STXBP5L: variants seen among roughly 807,000 people sequenced by gnomAD.
STXBP5L encodes the protein syntaxin-binding protein 5-like.
In STXBP5L, 65 loss-of-function variants were observed where a neutral mutation model predicts 144.5. The ratio of observed to expected loss-of-function variants is 0.45; its 90% confidence interval spans 0.37 to 0.55. The LOEUF (loss-of-function observed/expected upper bound fraction) is 0.55. Ranked by LOEUF, STXBP5L falls within the 20% of genes least tolerant of loss-of-function variation. The pLI, the probability that STXBP5L is intolerant of heterozygous loss-of-function variation, is 0.00. For synonymous variants in STXBP5L, 505 were observed against 469.6 expected, an observed-to-expected ratio of 1.08 and a Z score of -0.97; for missense variants, 1,298 against 1,405.5, an observed-to-expected ratio of 0.92 and a Z score of 1.22.
chr3:121,413,406 T>C, intron 24 of STXBP5L, 83 bp downstream of exon 24: 1 of 1,270,942 alleles, frequency 7.9e-7, no homozygotes, highest in Non-Finnish European at 1.1e-6. Context: ...AAAATATTAT[T>C]AGGTCAGACA....
chr3:121,242,972 CA>C (rs1017832067), intron 14 of STXBP5L, among the ~76,000 whole-genome samples: 1 of 152,100 alleles, frequency 6.6e-6, no homozygotes, highest in Non-Finnish European at 1.5e-5. Context: ...CAAGAATGGT[CA>C]CATTGAAATG....
chr3:121,021,796 G>A (rs1157427943), intron 3 of STXBP5L, among the ~76,000 whole-genome samples: 2 of 152,110 alleles, frequency 1.3e-5, no homozygotes, highest in African/African-American at 4.8e-5. Flanking sequence ...AGCATTAAAT[G>A]CCTATATAAA....
chr3:121,240,563 G>T (rs1049293228), intron 14 of STXBP5L, 56 bp downstream of exon 14: 5 of 1,505,878 alleles, frequency 3.3e-6, no homozygotes, highest in Non-Finnish European at 3.7e-6. Flanking sequence ...TGTTTACTGA[G>T]TCTTGATACT....
intron 3 of STXBP5L, among the ~76,000 whole-genome samples, chr3:121,018,148 A>G (rs1945276336): frequency 6.6e-6 from 1 of 152,210 alleles, no homozygotes; most frequent in Non-Finnish European, 1.5e-5. Context: ...AATATTGTCA[A>G]GATTGAGTTC....
intron 19 of STXBP5L, among the ~76,000 whole-genome samples, chr3:121,284,284 T>A (rs967692447): frequency 6.6e-6 from 1 of 152,038 alleles, no homozygotes; most frequent in African/African-American, 2.4e-5. Flanking sequence ...AATTTTTGTA[T>A]CTTACTACCA....
At chr3:121,342,067 T>C (rs757948672) in intron 20 of STXBP5L, among the ~76,000 whole-genome samples, 1 of 152,080 alleles carries the variant, frequency 6.6e-6, no homozygotes, top group Non-Finnish European at 1.5e-5. Flanking sequence ...TTATTATACA[T>C]TGTATGCCTG....
At chr3:121,047,817 C>T (rs1947628117) in intron 5 of STXBP5L, among the ~76,000 whole-genome samples, 1 of 152,122 alleles carries the variant, frequency 6.6e-6, no homozygotes, top group Non-Finnish European at 1.5e-5. Flanking sequence ...CACTCTGTGC[C>T]TTTTAATTGG....
chr3:121,101,143 C>A (rs1197270037), intron 5 of STXBP5L, among the ~76,000 whole-genome samples: 1 of 152,190 alleles, frequency 6.6e-6, no homozygotes, highest in Non-Finnish European at 1.5e-5. Flanking sequence ...GATGGAGTCA[C>A]AGTCAAATTC....
intron 12 of STXBP5L, among the ~76,000 whole-genome samples, chr3:121,238,259 C>A (rs192006991): frequency 1.3e-5 from 2 of 152,058 alleles, no homozygotes; most frequent in African/African-American, 4.8e-5. Context: ...GCTGTTTTCA[C>A]TCATGGTGAA....
chr3:120,909,629 C>A lies in STXBP5L; in HGVS notation c.51C>A (p.Ser17=), dbSNP rs757864414. The change falls in exon 2 of 27, where the codon TCC becomes TCA. Residue 17 remains serine, a synonymous_variant. Coordinates refer to ENST00000471454, the MANE Select transcript of STXBP5L (RefSeq NM_001308330.2). ...RKVLDGLTAS[S]PGSGSSSGSN... The stretch of plus-strand genomic sequence containing the variant: ...TTTTGGATGGCTTAACTGCCTCCTC[C>A]CCTGGCAGTGGTAGCAGCAGTGGCA... The A allele has an allele frequency of 6.2e-7, 1 of 1,613,306 alleles. No individual in the cohort carries two copies.
intron 3 of STXBP5L, among the ~76,000 whole-genome samples, chr3:121,003,235 A>C (rs1943945405): frequency 6.6e-6 from 1 of 152,052 alleles, no homozygotes. Context: ...CTGACTTTTT[A>C]ATGATTGCCA....
chr3:121,054,820 T>A (rs1203663935), intron 5 of STXBP5L, among the ~76,000 whole-genome samples: 4 of 152,150 alleles, frequency 2.6e-5, no homozygotes, highest in Non-Finnish European at 5.9e-5. Context: ...GATCACCATA[T>A]TGATTTTATC....
intron 12 of STXBP5L, among the ~76,000 whole-genome samples, chr3:121,234,628 A>C (rs1279181368): frequency 6.6e-6 from 1 of 151,728 alleles, no homozygotes; most frequent in African/African-American, 2.4e-5. Flanking sequence ...AATCAGTCCA[A>C]ATTCTACTCT....
intron 20 of STXBP5L, among the ~76,000 whole-genome samples, chr3:121,352,702 G>A (rs1008111068): frequency 4.6e-5 from 7 of 152,080 alleles, no homozygotes; most frequent in Admixed American, 1.3e-4. Context: ...GCCCTGGCCA[G>A]AACTTCCAAC....
At chr3:121,159,362 C>T (rs2046233345) in intron 9 of STXBP5L, among the ~76,000 whole-genome samples, 1 of 151,850 alleles carries the variant, frequency 6.6e-6, no homozygotes, top group Non-Finnish European at 1.5e-5. Context: ...AAAGATGGGT[C>T]TTACTATGTT....
At chr3:120,994,069 G>C (rs980124788) in intron 3 of STXBP5L, among the ~76,000 whole-genome samples, 3 of 151,728 alleles carry the variant, frequency 2.0e-5, no homozygotes, top group African/African-American at 7.3e-5. Flanking sequence ...CGGGATTGCT[G>C]TCTCAATTTC....
chr3:121,193,684 G>C (rs1316333423), intron 9 of STXBP5L, among the ~76,000 whole-genome samples: 1 of 152,146 alleles, frequency 6.6e-6, no homozygotes, highest in African/African-American at 2.4e-5. Context: ...GGACATGGAT[G>C]AAGCTGGAAA....
intron 2 of STXBP5L, 70 bp downstream of exon 2, chr3:120,909,837 A>G (rs566598658): frequency 6.9e-7 from 1 of 1,440,800 alleles, no homozygotes; most frequent in African/African-American, 1.5e-5. Flanking sequence ...AGGGGGGAAA[A>G]ACATACCAGG....
chr3:120,937,184 A>G (rs925665415), intron 2 of STXBP5L, among the ~76,000 whole-genome samples: 3 of 152,142 alleles, frequency 2.0e-5, no homozygotes, highest in Non-Finnish European at 4.4e-5. Context: ...AGTTTCCACT[A>G]GTTTTAAGTG....
Sources: gnomAD v4.1 joint callset for allele counts (sites outside exome capture counted in the v4.1 genomes callset) on GRCh38, gnomAD v4.1.1 for gene constraint, MANE v1.5 for transcripts, NCBI Gene and HGNC (gene_info 2026-07-23, HGNC 2026-07-21) for gene names.